ROBO2: variants seen among roughly 807,000 people sequenced by gnomAD.
The protein encoded by ROBO2 is roundabout guidance receptor 2.
In ROBO2, 53 loss-of-function variants were observed where a neutral mutation model predicts 160.8. That is an observed-to-expected ratio of 0.33 (90% CI 0.26 to 0.41). The LOEUF is 0.41. Ranked by LOEUF, ROBO2 falls within the 10% of genes least tolerant of loss-of-function variation. ROBO2 has a pLI of 1.00. For synonymous variants in ROBO2, 664 were observed against 611.7 expected, an observed-to-expected ratio of 1.09 and a Z score of -1.26; for missense variants, 1,577 against 1,722.4, an observed-to-expected ratio of 0.92 and a Z score of 1.49.
At chr3:76,694,658 G>C (rs1379134012) in intron 2 of ROBO2, among the ~76,000 whole-genome samples, 2 of 151,850 alleles carry the variant, frequency 1.3e-5, no homozygotes, top group East Asian at 3.9e-4. Flanking sequence ...ATTTAATTTT[G>C]AAATGTACTT....
intron 2 of ROBO2, among the ~76,000 whole-genome samples, chr3:76,038,917 A>G (rs1197062279): frequency 6.6e-6 from 1 of 151,954 alleles, no homozygotes; most frequent in East Asian, 1.9e-4. Context: ...TCAGTAGTGA[A>G]TGCAGCTGAA....
chr3:76,086,503 A>G (rs1317250330), intron 2 of ROBO2, among the ~76,000 whole-genome samples: 4 of 152,164 alleles, frequency 2.6e-5, no homozygotes, highest in Non-Finnish European at 5.9e-5. Flanking sequence ...GCTGAGAAGT[A>G]GGTAAAGTTC....
At chr3:77,126,621 T>C (rs1050734273) in intron 2 of ROBO2, among the ~76,000 whole-genome samples, 1 of 151,972 alleles carries the variant, frequency 6.6e-6, no homozygotes, top group Non-Finnish European at 1.5e-5. Context: ...AAAGTCAGGC[T>C]TTCAGCATTA....
chr3:76,124,097 G>A (rs2070866574), intron 2 of ROBO2, among the ~76,000 whole-genome samples: 1 of 113,022 alleles, frequency 8.8e-6, no homozygotes, highest in Admixed American at 9.2e-5. Flanking sequence ...TTGATGTCAA[G>A]AAAGATGAAT....
intron 2 of ROBO2, among the ~76,000 whole-genome samples, chr3:75,948,420 AT>A: frequency 6.6e-6 from 1 of 152,014 alleles, no homozygotes; most frequent in Non-Finnish European, 1.5e-5. Context: ...TGATAACTTA[AT>A]TTTTTTATTG....
At chr3:77,551,293 G>GAC (rs1415753831) in intron 8 of ROBO2, among the ~76,000 whole-genome samples, 1 of 151,830 alleles carries the variant, frequency 6.6e-6, no homozygotes, top group African/African-American at 2.4e-5. Flanking sequence ...TTTTTATTTA[G>GAC]TCTTAGGCTG....
chr3:76,543,265 T>C (rs1192524298), intron 2 of ROBO2, among the ~76,000 whole-genome samples: 2 of 152,142 alleles, frequency 1.3e-5, no homozygotes, highest in Non-Finnish European at 2.9e-5. Flanking sequence ...TAACCCACAA[T>C]GTGACTGTAT....
At chr3:75,906,904 C>T (rs927863841) in exon 1 of ROBO2, 12 of 152,434 alleles carry the variant, frequency 7.9e-5, no homozygotes, top group African/African-American at 2.6e-4. Flanking sequence ...TGCGGAGCTT[C>T]CCAGGGCTGC....
intron 2 of ROBO2, among the ~76,000 whole-genome samples, chr3:76,191,055 A>C (rs898202403): frequency 6.6e-6 from 1 of 152,150 alleles, no homozygotes; most frequent in Admixed American, 6.6e-5. Flanking sequence ...AGTTGTATCA[A>C]GATAGCAACA....
rs564044328 is a variant in ROBO2, at chr3:76,943,305, C to T, written c.110-154709C>T. Reference sequence around the variant, plus strand: ...TTATCTTGAGTTGTTACATACCACTCGTTGCTATCTGTTAGTAGTTGTGTC... The same window carrying T: ...TTATCTTGAGTTGTTACATACCACTTGTTGCTATCTGTTAGTAGTTGTGTC... On this transcript the variant is annotated intron_variant, in intron 2 of 26. Coordinates refer to the ROBO2 transcript ENST00000487694. Among the ~76,000 whole-genome samples the T allele has an allele frequency of 1.8e-4, 27 of 152,162 alleles. 1 individual carries two copies. The South Asian group carries it at 4.4e-3, about 25-fold the overall frequency.
intron 2 of ROBO2, among the ~76,000 whole-genome samples, chr3:76,819,197 G>C (rs2065920456): frequency 6.6e-6 from 1 of 152,062 alleles, no homozygotes; most frequent in Admixed American, 6.6e-5. Context: ...CACATAACAA[G>C]ACACCTAATC....
intron 2 of ROBO2, among the ~76,000 whole-genome samples, chr3:76,436,984 G>T (rs2109073128): frequency 6.6e-6 from 1 of 152,264 alleles, no homozygotes; most frequent in African/African-American, 2.4e-5. Context: ...TATGTGAAAT[G>T]CTATCACAGT....
chr3:77,011,623 C>T (rs1559842415), intron 2 of ROBO2, among the ~76,000 whole-genome samples: 1 of 152,116 alleles, frequency 6.6e-6, no homozygotes, highest in South Asian at 2.1e-4. Context: ...CTGTAACCCT[C>T]TGCAAAAGGC....
At chr3:76,086,792 G>C (rs2069031272) in intron 2 of ROBO2, among the ~76,000 whole-genome samples, 1 of 151,950 alleles carries the variant, frequency 6.6e-6, no homozygotes, top group African/African-American at 2.4e-5. Flanking sequence ...GGCTTTAATA[G>C]AAAAAGTAAA....
chr3:77,368,237 TG>T (rs2071210027), intron 2 of ROBO2, among the ~76,000 whole-genome samples: 1 of 127,202 alleles, frequency 7.9e-6, no homozygotes, highest in Non-Finnish European at 1.6e-5. Context: ...TGAAATTATT[TG>T]GGGGTCAAAT....
chr3:77,064,196 AT>A (rs2066605815), intron 1 of ROBO2, among the ~76,000 whole-genome samples: 1 of 152,134 alleles, frequency 6.6e-6, no homozygotes, highest in African/African-American at 2.4e-5. Context: ...ATTAAATTGT[AT>A]TGTTTATTCC....
intron 2 of ROBO2, among the ~76,000 whole-genome samples, chr3:76,173,948 C>T (rs538366466): frequency 1.3e-5 from 2 of 152,248 alleles, no homozygotes; most frequent in African/African-American, 4.8e-5. Flanking sequence ...CACTGTCTTC[C>T]ACAATGGTTG....
At chr3:76,676,869 G>A (rs776260953) in intron 2 of ROBO2, among the ~76,000 whole-genome samples, 16 of 151,908 alleles carry the variant, frequency 1.1e-4, no homozygotes, top group Non-Finnish European at 7.4e-5. Context: ...TATCATTTGA[G>A]GTTTCTTCTT....
chr3:76,632,851 A>G (rs1012025132), intron 2 of ROBO2, among the ~76,000 whole-genome samples: 3 of 152,216 alleles, frequency 2.0e-5, no homozygotes, highest in East Asian at 1.9e-4. Flanking sequence ...ATATTATGCT[A>G]AATTGCTGGA....
Sources: gnomAD v4.1 joint callset for allele counts (sites outside exome capture counted in the v4.1 genomes callset) on GRCh38, gnomAD v4.1.1 for gene constraint, MANE v1.5 for transcripts, NCBI Gene and HGNC (gene_info 2026-07-23, HGNC 2026-07-21) for gene names.